Variants in POLQ observed in about 807,000 individuals in gnomAD.
The protein encoded by POLQ is epididymis secretory sperm binding protein.
POLQ carries 233 observed loss-of-function variants against 259.2 expected under a neutral mutation model. The ratio of observed to expected loss-of-function variants is 0.90; its 90% CI spans 0.81 to 1.00. POLQ has a LOEUF of 1.00. Ranked by LOEUF, POLQ falls within the 50% of genes least tolerant of loss-of-function variation. POLQ has a pLI of 0.00. For synonymous variants in POLQ, 1,025 were observed against 1,048.8 expected (o/e 0.98, Z 0.44); for missense variants, 2,871 against 3,051.6 (o/e 0.94, Z 1.39).
chr3:121,489,682 G>C lies in POLQ; in HGVS notation c.3249C>G (p.Thr1083=), dbSNP rs749332146. The change falls in exon 16 of 30, where the codon ACC becomes ACG. Residue 1083 remains threonine (T), a synonymous_variant. Coordinates refer to ENST00000264233, the MANE Select transcript of POLQ (RefSeq NM_199420.4). ...SNPSLCEDPF[T]LDEKKTEFRN... ...TAAATTCCGTTTTCTTCTCATCTAA[G>C]GTAAACGGGTCTTCACAAAGACTAG... 226 of 1,613,452 alleles carry C rather than the reference G, an allele frequency of 1.4e-4. No individual in the cohort carries two copies. Among genetic ancestry groups the C allele is most frequent in the Non-Finnish European group, 1.8e-4 (218 of 1,179,770 alleles).
chr3:121,441,705 C>A (rs551688268), intron 26 of POLQ, among the ~76,000 whole-genome samples: 1 of 152,118 alleles, frequency 6.6e-6, no homozygotes, highest in Non-Finnish European at 1.5e-5. Flanking sequence ...TATTCACATA[C>A]GAGCCTTCCT....
Position 121,490,034 on chromosome 3 carries a change from G to A in POLQ, c.2897C>T (p.Thr966Ile), listed in dbSNP as rs1193836031. ...VQDLNKSREH[T>I]SSFNCNFQNG... ...CTGGAAATTACAATTAAAGGAACTT[G>A]TATGCTCTCTACTTTTATTTAAGTC... is the stretch of plus-strand genomic sequence containing the variant. The change falls in exon 16 of 30, where the codon ACA becomes ATA. Residue 966 changes from threonine (T) to isoleucine (I), a missense_variant. This residue lies in a region of POLQ where 2,080 missense variants were observed against 2,126.0 expected (regional missense o/e 0.98). Transcript: ENST00000264233. 1 of 1,574,678 alleles carries A rather than the reference G, an allele frequency of 6.4e-7. No individual in the cohort carries two copies. Among genetic ancestry groups the A allele is most frequent in the South Asian group, 1.2e-5 (1 of 82,802 alleles).
chr3:121,436,052 A>C, intron 28 of POLQ, 70 bp downstream of exon 28: 1 of 1,242,986 alleles, frequency 8.0e-7, no homozygotes, highest in Non-Finnish European at 1.1e-6. Context: ...AATAAAAAAT[A>C]CTTCCCATTT....
chr3:121,534,289 GCT>G lies in POLQ; in HGVS notation c.741-1082_741-1081del, dbSNP rs374580904. Among the ~76,000 whole-genome samples, 501 of 150,808 alleles carry G rather than the reference GCT, an allele frequency of 3.3e-3. 5 individuals carry two copies. Among genetic ancestry groups the G allele is most frequent in the African/African-American group, 0.012 (475 of 41,076 alleles). On this transcript the variant is annotated intron_variant, in intron 5 of 29. Transcript: ENST00000264233. ...TAGTGAATTTCCTCTTTCATTTTTT[GCT>G]CTGTTTTTATTAGTTTATCAAGCTT...
At chr3:121,486,811 G>A (rs191580718) in intron 16 of POLQ, among the ~76,000 whole-genome samples, 100 of 151,458 alleles carry the variant, frequency 6.6e-4, no homozygotes, top group Non-Finnish European at 1.2e-3. Flanking sequence ...TGCAGTGAGC[G>A]AAGATCAAGA....
At chr3:121,480,973 T>C (rs2047965655) in intron 19 of POLQ, among the ~76,000 whole-genome samples, 1 of 152,146 alleles carries the variant, frequency 6.6e-6, no homozygotes, top group Non-Finnish European at 1.5e-5. Flanking sequence ...ACCATAAGCA[T>C]CCGTTAAGCT....
At chr3:121,435,840 A>G (rs2047538918) in intron 28 of POLQ, among the ~76,000 whole-genome samples, 1 of 152,254 alleles carries the variant, frequency 6.6e-6, no homozygotes, top group Non-Finnish European at 1.5e-5. Context: ...AGTTATTTTC[A>G]TAAAAATATG....
In POLQ at chr3:121,460,759, A is replaced by G. The variant is rs1431141893; in HGVS notation, c.6968-525T>C. The stretch of plus-strand genomic sequence containing the variant: ...TGATTTGACAATAACAAAGTCATTC[A>G]GTGAAAAAAATCAAGTGGTCAACAG... On this transcript the variant is annotated intron_variant, in intron 24 of 29. Transcript: ENST00000264233. Among the ~76,000 whole-genome samples, 3 of 152,198 alleles carry G rather than the reference A, an allele frequency of 2.0e-5. 1 individual carries two copies. The highest frequency in any genetic ancestry group is 7.2e-5 in the African/African-American group (3 of 41,462).
At position 121,545,797 on chromosome 3, in the gene POLQ, G is replaced by A; in HGVS notation, c.81C>T (p.Ser27=). 1 of 1,612,342 alleles carries A rather than the reference G, an allele frequency of 6.2e-7. No homozygotes were observed. The highest frequency in any genetic ancestry group is 1.1e-5 in the South Asian group (1 of 90,730). ...SDSFSGSGGD[S]SASPQFLSGS... is the part of the protein sequence containing the mutation. Reference sequence around the variant, plus strand: ...CGGAGAGGAACTGGGGGCTGGCACTGCTGTCACCGCCGCTTCCCGAGAACG... The same window carrying A: ...CGGAGAGGAACTGGGGGCTGGCACTACTGTCACCGCCGCTTCCCGAGAACG... Residue 27 remains serine (S), a synonymous_variant, in exon 1 of 30, where the codon AGC becomes AGT. Coordinates refer to ENST00000264233, the MANE Select transcript of POLQ (RefSeq NM_199420.4).
intron 9 of POLQ, among the ~76,000 whole-genome samples, chr3:121,517,503 T>TGGA (rs1454976990): frequency 5.3e-5 from 8 of 152,176 alleles, no homozygotes; most frequent in Non-Finnish European, 1.0e-4. Flanking sequence ...ATGCACATCT[T>TGGA]CTTAAGTATT....
chr3:121,515,181 T>G (rs1452194917), intron 9 of POLQ, among the ~76,000 whole-genome samples: 1 of 152,068 alleles, frequency 6.6e-6, no homozygotes, highest in African/African-American at 2.4e-5. Context: ...TTATTTTATT[T>G]TTAGAGGTGG....
At chr3:121,514,017 C>CGTGTATTA (rs1374572244) in intron 9 of POLQ, among the ~76,000 whole-genome samples, 1 of 99,738 alleles carries the variant, frequency 1.0e-5, no homozygotes, top group African/African-American at 3.9e-5. Context: ...AGTGAAACTC[C>CGTGTATTA]ATCTCAAAAA....
chr3:121,533,525 C>CT (rs199580695), intron 5 of POLQ, among the ~76,000 whole-genome samples: 6 of 151,344 alleles, frequency 4.0e-5, no homozygotes, highest in African/African-American at 7.3e-5. Context: ...GGTAGTATTT[C>CT]TTTTTTTTTA....
rs1433969419 is a variant in POLQ, at chr3:121,476,527, C to T, written c.6405+13G>A. The T allele has an allele frequency of 6.9e-6, 11 of 1,595,306 alleles. No homozygotes were observed. The highest frequency in any genetic ancestry group is 6.9e-6 in the Non-Finnish European group (8 of 1,165,198). ...AAAATTATGTATCTATATCCCTAGC[C>T]CCATGATACAACCTCAGCGATGTCA... is the stretch of plus-strand genomic sequence containing the variant. On this transcript the variant is annotated intron_variant, in intron 20 of 29. Transcript: ENST00000264233.
Position 121,487,790 on chromosome 3 carries a change from T to G in POLQ, c.5141A>C (p.His1714Pro). Residue 1714 changes from histidine (H) to proline (P), a missense_variant, in exon 16 of 30, where the codon CAT becomes CCT. Transcript: ENST00000264233. ...AGGTAAGAGGGATGAGGTTTCATCA[T>G]GATTGGCATTGTTTTCTAGCATCTC... ...KIEMLENNAN[H>P]DETSSLLPRK... The G allele has an allele frequency of 6.2e-7, 1 of 1,610,454 alleles. No individual in the cohort carries two copies. Among genetic ancestry groups the G allele is most frequent in the South Asian group, 1.1e-5 (1 of 90,008 alleles).
At chr3:121,544,599 T>G (rs1201368190) in intron 2 of POLQ, 128 bp downstream of exon 2, 11 of 592,852 alleles carry the variant, frequency 1.9e-5, no homozygotes, top group Non-Finnish European at 3.2e-5. Flanking sequence ...TTCACACATA[T>G]TGTACGATTT....
intron 25 of POLQ, among the ~76,000 whole-genome samples, chr3:121,459,775 A>C (rs1281243146): frequency 6.6e-6 from 1 of 152,186 alleles, no homozygotes; most frequent in East Asian, 1.9e-4. Flanking sequence ...ACATCTAGTG[A>C]GTACCAGGCA....
chr3:121,438,724 T>C (rs2047564479), intron 27 of POLQ, among the ~76,000 whole-genome samples: 10 of 152,220 alleles, frequency 6.6e-5, no homozygotes, highest in Admixed American at 6.5e-4. Context: ...TGTTTTCATA[T>C]ATATTTTTTT....
chr3:121,529,048 A>G (rs756567788), intron 7 of POLQ, among the ~76,000 whole-genome samples: 3 of 152,198 alleles, frequency 2.0e-5, no homozygotes, highest in Non-Finnish European at 2.9e-5. Context: ...GCTACATGAC[A>G]TACCTTTTTC....
Sources: allele counts gnomAD v4.1 joint callset (sites outside exome capture counted in the v4.1 genomes callset), GRCh38; gene constraint gnomAD v4.1.1; regional missense constraint gnomAD v4.1.1; transcripts MANE v1.5; gene names NCBI Gene and HGNC (gene_info 2026-07-23, HGNC 2026-07-21).